The following CIAO3 variants were observed in gnomAD, a reference collection of about 807,000 sequenced individuals.
CIAO3 encodes cytosolic iron-sulfur assembly component 3, also known as LET1 like/JFP15.
A neutral mutation model predicts 51.5 loss-of-function variants in CIAO3; 45 were observed. The ratio of observed to expected loss-of-function variants is 0.87; its 90% CI spans 0.69 to 1.12. The LOEUF is 1.12. CIAO3 is among the 50% of genes most tolerant of loss of function. The pLI is 0.00. For synonymous variants in CIAO3, 314 were observed against 269.3 expected, an observed-to-expected ratio of 1.17 and a Z score of -1.63; for missense variants, 668 against 632.5, an observed-to-expected ratio of 1.06 and a Z score of -0.60.
intron 10 of CIAO3, 65 bp from the exon 11 acceptor site, chr16:730,720 G>T: frequency 2.5e-6 from 4 of 1,583,842 alleles, no homozygotes. Flanking sequence ...TGACCACCAG[G>T]GAGCAGGGAG....
chr16:737,331 T>C lies in CIAO3; in HGVS notation c.163-2A>G, dbSNP rs758139145. The C allele has an allele frequency of 3.7e-6, 6 of 1,612,898 alleles. No individual in the cohort carries two copies. The South Asian group carries it at 4.4e-5, about 12-fold the overall frequency. ...CTCCAGCCTCCGGGTCCCGCCGTCCTACAAGGGAGAAGAACCCGGTGCACA... is the reference window on the plus strand; with the variant it reads ...CTCCAGCCTCCGGGTCCCGCCGTCCCACAAGGGAGAAGAACCCGGTGCACA... On this transcript the variant is annotated splice_acceptor_variant, in intron 2 of 10. Transcript: ENST00000251588. LOFTEE classifies it high-confidence loss of function. The surrounding 1 kb of genome is among the most constrained non-coding windows in gnomAD (Gnocchi z 5.3).
In CIAO3 at chr16:740,950, C is replaced by G. The variant is rs920853854; in HGVS notation, c.36G>C (p.Thr12=). Residue 12 remains threonine, a synonymous_variant, in exon 1 of 11, where the codon ACG becomes ACC. Transcript: ENST00000251588. ...ASPFSGALQL[T]DLDDFIGPSQ... Reference sequence around the variant, plus strand: ...ACGGCCCGATGAAGTCATCCAGGTCCGTCAGCTGCAGCGCCCCGCTGAAGG... The same window carrying G: ...ACGGCCCGATGAAGTCATCCAGGTCGGTCAGCTGCAGCGCCCCGCTGAAGG... 6.6e-6 allele frequency: 10 copies of G among 1,521,216 alleles called. No homozygotes were observed. The highest frequency in any genetic ancestry group is 8.8e-6 in the Non-Finnish European group (10 of 1,138,390). 94.2% of individuals were successfully genotyped at this position (1,521,216 alleles called of 1,614,324 possible).
chr16:732,365 A>G lies in CIAO3; in HGVS notation c.832T>C (p.Phe278Leu), dbSNP rs200633924. 4.8e-4 allele frequency: 773 copies of G among 1,612,786 alleles called. 3 individuals carry two copies. The highest frequency in any genetic ancestry group is 3.8e-4 in the Non-Finnish European group (445 of 1,179,884). Reference protein sequence around the residue: ...VDCVLTTGEVFRLLEEEGVSL... With the variant: ...VDCVLTTGEVLRLLEEEGVSL... ...ACGCCCTCTTCCTCCAGCAACCTGAAAACTTCTCCTGCAAAGAAGCCACAG... is the reference window on the plus strand; with the variant it reads ...ACGCCCTCTTCCTCCAGCAACCTGAGAACTTCTCCTGCAAAGAAGCCACAG... Residue 278 changes from phenylalanine (F) to leucine (L), a missense_variant, in exon 8 of 11, where the codon TTC becomes CTC. Physicochemically the swap from Phe to Leu is conservative, Grantham distance 22 (BLOSUM62 0). Coordinates refer to ENST00000251588, the MANE Select transcript of CIAO3 (RefSeq NM_022493.3).
intron 3 of CIAO3, 120 bp from the exon 4 acceptor site, chr16:736,518 CTTTTT>C: frequency 5.1e-6 from 5 of 985,454 alleles, no homozygotes; most frequent in Non-Finnish European, 7.1e-6. Flanking sequence ...CATCAAGAGT[CTTTTT>C]TTTTTTTTTA....
At chr16:736,769 T>C (rs190546330) in intron 3 of CIAO3, among the ~76,000 whole-genome samples, 1 of 152,220 alleles carries the variant, frequency 6.6e-6, no homozygotes, top group East Asian at 1.9e-4. Flanking sequence ...GTTCAAGCGA[T>C]TCTCCTGCCT....
At chr16:731,936 T>C in intron 8 of CIAO3, 3 of 577,646 alleles carry the variant, frequency 5.2e-6, no homozygotes, top group East Asian at 6.2e-5. Context: ...TGGCGTGATC[T>C]TGGCTCACTG....
chr16:740,862 C>G, intron 1 of CIAO3, 58 bp downstream of exon 1: 3 of 1,461,662 alleles, frequency 2.1e-6, no homozygotes, highest in Non-Finnish European at 2.8e-6. Context: ...GAGCAATTTC[C>G]CTCCGCGCGA....
intron 6 of CIAO3, chr16:733,917 G>A (rs1034629972): frequency 1.7e-5 from 7 of 414,666 alleles, no homozygotes; most frequent in Admixed American, 7.6e-5. Context: ...GGTGGGGGTC[G>A]TGCTGGGCAT....
Position 730,131 on chromosome 16 carries a change from C to A in CIAO3, c.*286G>T. ...CCGACCAGCAGCAGCAAGGGCAGCA[C>A]CTGTGGGCCTCGGCCCAGGGCCAAC... is the stretch of plus-strand genomic sequence containing the variant. On this transcript the variant is annotated 3_prime_UTR_variant, in exon 11 of 11. Transcript: ENST00000251588. 1 of 535,428 alleles carries A rather than the reference C, an allele frequency of 1.9e-6. No homozygotes were observed. Among genetic ancestry groups the A allele is most frequent in the Non-Finnish European group, 3.3e-6 (1 of 298,702 alleles). The allele number at this position is 535,428 out of a possible 1,614,324, so 33.2% of individuals were successfully genotyped here.
intron 5 of CIAO3, 168 bp downstream of exon 5, chr16:734,569 A>G (rs1271008484): frequency 2.4e-6 from 3 of 1,273,480 alleles, no homozygotes; most frequent in Non-Finnish European, 3.4e-6. Context: ...ACGGGAGGGC[A>G]GCCTCTTCTC....
chr16:733,074 G>A (rs2041302003), intron 7 of CIAO3: 1 of 560,148 alleles, frequency 1.8e-6, no homozygotes, highest in South Asian at 2.1e-5. Flanking sequence ...CCAACAAGGA[G>A]GTATTACTGA....
At position 737,302 on chromosome 16, in the gene CIAO3, C is replaced by T. The variant is rs768013074; in HGVS notation, c.190G>A (p.Ala64Thr). ...QDGGTRRLEKAKVSLNDCLAC... is the reference protein window; with the variant it reads ...QDGGTRRLEKTKVSLNDCLAC... ...AGGCAGTCGTTTAGCGAGACCTTGG[C>T]CTTCTCCAGCCTCCGGGTCCCGCCG... Residue 64 changes from alanine to threonine, a missense_variant, in exon 3 of 11, where the codon GCC (alanine) becomes ACC (threonine). Coordinates refer to ENST00000251588, the MANE Select transcript of CIAO3 (RefSeq NM_022493.3). The surrounding 1 kb of genome is among the most constrained non-coding windows in gnomAD (Gnocchi z 5.3). 1.9e-6 allele frequency: 3 copies of T among 1,613,142 alleles called. No homozygotes were observed. Among genetic ancestry groups the T allele is most frequent in the Middle Eastern group, 1.6e-4 (1 of 6,066 alleles).
In CIAO3 at chr16:737,328, T is replaced by G; in HGVS notation, c.164A>C (p.Asp55Ala). Residue 55 changes from aspartate to alanine, a missense_variant and splice_region_variant, in exon 3 of 11, where the codon GAC becomes GCC. Asp to Ala is a moderately radical substitution (Grantham distance 126). Transcript: ENST00000251588. The surrounding 1 kb of genome is among the most constrained non-coding windows in gnomAD (Gnocchi z 5.3). ...DDGSYFQINQ[D>A]GGTRRLEKAK... ...CTTCTCCAGCCTCCGGGTCCCGCCGTCCTACAAGGGAGAAGAACCCGGTGC... is the reference window on the plus strand; with the variant it reads ...CTTCTCCAGCCTCCGGGTCCCGCCGGCCTACAAGGGAGAAGAACCCGGTGC... 6.2e-7 allele frequency: 1 copy of G among 1,612,840 alleles called. No individual in the cohort carries two copies. Among genetic ancestry groups the G allele is most frequent in the Non-Finnish European group, 8.5e-7 (1 of 1,179,966 alleles).
chr16:734,459 G>T, intron 5 of CIAO3, 112 bp from the exon 6 acceptor site: 2 of 858,856 alleles, frequency 2.3e-6, no homozygotes, highest in Non-Finnish European at 3.7e-6. Flanking sequence ...AGATCATGAT[G>T]ACATTAAAGA....
rs185942902 is a variant in CIAO3, at chr16:732,931, C to T, written c.823+367G>A. On this transcript the variant is annotated intron_variant, in intron 7 of 10. Transcript: ENST00000251588. ...GATTACAGGCGTGAGCCACCATGCC[C>T]GGCCACAGTTTGCTTTTCTGCCTCA... 45 of 319,600 alleles carry T rather than the reference C, an allele frequency of 1.4e-4. No homozygotes were observed. In the East Asian group the frequency reaches 1.9e-3, roughly 14 times the overall value. The allele number at this position is 319,600 out of a possible 1,614,324, so 19.8% of individuals were successfully genotyped here. A position where few individuals can be genotyped will look rare whatever the true frequency, so the allele number is the denominator to read the frequency against.
At chr16:733,575 G>T in intron 6 of CIAO3, 148 bp from the exon 7 acceptor site, 1 of 1,217,162 alleles carries the variant, frequency 8.2e-7, no homozygotes, top group Non-Finnish European at 1.1e-6. Context: ...TGCCGGCTCT[G>T]CGGATGTGTC....
intron 6 of CIAO3, 125 bp from the exon 7 acceptor site, chr16:733,552 C>T: frequency 1.4e-6 from 2 of 1,430,844 alleles, no homozygotes; most frequent in Non-Finnish European, 1.9e-6. Flanking sequence ...ACTCCATTTC[C>T]CAGCAAGCCT....
At position 732,297 on chromosome 16, in the gene CIAO3, G is replaced by C. The variant is rs752789262; in HGVS notation, c.896+4C>G. 3.5e-5 allele frequency: 57 copies of C among 1,609,600 alleles called. No homozygotes were observed. Among genetic ancestry groups the C allele is most frequent in the Middle Eastern group, 1.6e-4 (1 of 6,064 alleles). On this transcript the variant is annotated splice_donor_region_variant and intron_variant, in intron 8 of 10. Coordinates refer to ENST00000251588, the MANE Select transcript of CIAO3 (RefSeq NM_022493.3). ...TAACAGTTCTTGGTGGCAGACATAC[G>C]TACAGGCTGTCCAGAGGGGCTGGTT...
intron 4 of CIAO3, chr16:735,521 CT>C (rs1026012832): frequency 6.6e-6 from 1 of 152,284 alleles, no homozygotes; most frequent in African/African-American, 2.4e-5. Flanking sequence ...AATCTTTGAA[CT>C]TGCTTCCTAT....
Sources: gnomAD v4.1 joint callset for allele counts (sites outside exome capture counted in the v4.1 genomes callset) on GRCh38, gnomAD v4.1.1 for gene constraint, Gnocchi (gnomAD v3.1) non-coding constraint, MANE v1.5 for transcripts, NCBI Gene and HGNC (gene_info 2026-07-23, HGNC 2026-07-21) for gene names.